Variants in TTLL1 observed in about 807,000 individuals in gnomAD.
TTLL1 encodes the protein polyglutamylase complex subunit TTLL1.
TTLL1 carries 33 observed loss-of-function variants against 47.8 expected under a neutral mutation model. The observed-to-expected ratio is 0.69, with a 90% CI of 0.52 to 0.92. The LOEUF (loss-of-function observed/expected upper bound fraction) is 0.92. Ranked by LOEUF, TTLL1 falls within the 40% of genes least tolerant of loss-of-function variation. The pLI, the probability that TTLL1 is intolerant of heterozygous loss-of-function variation, is 0.00. For missense variants in TTLL1, 488 were observed against 547.5 expected (o/e 0.89, Z 1.08); for synonymous variants, 225 against 214.1 (o/e 1.05, Z -0.45).
chr22:43,069,220 CAAA>C (rs66913313), intron 4 of TTLL1, among the ~76,000 whole-genome samples: 7,198 of 80,396 alleles, frequency 0.09, 353 homozygotes, highest in African/African-American at 0.18. Context: ...ACTAAAAATA[CAAA>C]AAAAAAAAAA....
In TTLL1 at chr22:43,046,589, C is replaced by CCCA; in HGVS notation, c.979-19_979-17dup. The CCCA allele has an allele frequency of 6.2e-7, 1 of 1,611,884 alleles. No individual in the cohort carries two copies. The highest frequency in any genetic ancestry group is 1.1e-5 in the South Asian group (1 of 91,034). ...ACGCATTCACCTGTGAGATGAAAGA[C>CCCA]CCATGTTCCTCACCTGTGTCTCTCG... is the stretch of plus-strand genomic sequence containing the variant. On this transcript the variant is annotated splice_polypyrimidine_tract_variant and intron_variant, in intron 9 of 10. Coordinates refer to ENST00000266254, the MANE Select transcript of TTLL1 (RefSeq NM_012263.5).
intron 1 of TTLL1, among the ~76,000 whole-genome samples, chr22:43,080,609 T>TGCAGCCTGTGTGCA (rs1427406539): frequency 6.6e-6 from 1 of 152,106 alleles, no homozygotes; most frequent in African/African-American, 2.4e-5. Context: ...TCCTCCCACC[T>TGCAGCCTGTGTGCA]GCAAGCCTGT....
At chr22:43,045,283 G>A (rs191196252) in intron 10 of TTLL1, among the ~76,000 whole-genome samples, 139 of 152,200 alleles carry the variant, frequency 9.1e-4, no homozygotes, top group African/African-American at 3.1e-3. Flanking sequence ...AGTATGCCAC[G>A]GAACCGCTCT....
chr22:43,058,418 C>A (rs2146970811), intron 8 of TTLL1, among the ~76,000 whole-genome samples: 1 of 152,314 alleles, frequency 6.6e-6, no homozygotes, highest in South Asian at 2.1e-4. Context: ...CCATTTCCAG[C>A]CCGAAATATC....
At chr22:43,078,939 C>T (rs35522224) in intron 2 of TTLL1, among the ~76,000 whole-genome samples, 2 of 118,978 alleles carry the variant, frequency 1.7e-5, no homozygotes, top group Non-Finnish European at 1.7e-5. Context: ...ACGGGGACCA[C>T]GGGAGCCGCA....
chr22:43,067,750 C>T (rs550604018), intron 5 of TTLL1, among the ~76,000 whole-genome samples: 86 of 151,714 alleles, frequency 5.7e-4, no homozygotes, highest in African/African-American at 1.7e-3. Context: ...GTGGGTGGAT[C>T]ACCCTGAGGT....
chr22:43,045,862 G>A (rs957639648), intron 10 of TTLL1, among the ~76,000 whole-genome samples: 1 of 152,074 alleles, frequency 6.6e-6, no homozygotes, highest in African/African-American at 2.4e-5. Context: ...GGCCTGGCAC[G>A]TGATCAGTGC....
chr22:43,063,710 C>T, intron 7 of TTLL1, 103 bp downstream of exon 7: 1 of 1,039,442 alleles, frequency 9.6e-7, no homozygotes, highest in Middle Eastern at 2.5e-4. Flanking sequence ...AGGTGATCCA[C>T]CCGCCTCAGC....
intron 8 of TTLL1, among the ~76,000 whole-genome samples, chr22:43,058,109 A>G (rs1364716489): frequency 6.6e-6 from 1 of 151,808 alleles, no homozygotes; most frequent in Non-Finnish European, 1.5e-5. Context: ...ACGCCCGGCA[A>G]ATTTTTTTGT....
intron 10 of TTLL1, 123 bp downstream of exon 10, chr22:43,046,287 T>C (rs2146959536): frequency 1.5e-5 from 15 of 1,023,626 alleles, no homozygotes; most frequent in Middle Eastern, 3.0e-4. Flanking sequence ...ATCATGTCAT[T>C]AGTAAATGAA....
At chr22:43,048,652 C>G (rs1569415030) in intron 9 of TTLL1, among the ~76,000 whole-genome samples, 1 of 148,664 alleles carries the variant, frequency 6.7e-6, no homozygotes, top group Admixed American at 6.7e-5. Context: ...AAAAAAAAAA[C>G]CCAGGCCAGA....
rs371911785 is a variant in TTLL1 at position 43,064,312 on chromosome 22, T to A, written c.516A>T (p.Gln172His). Residue 172 changes from glutamine (Q) to histidine (H), a missense_variant, in exon 6 of 11, where the codon CAA becomes CAT. Gln to His is a conservative substitution (Grantham distance 24). Transcript: ENST00000266254. ...AGATCACGTAGGCTTCCTTATTAGA[T>A]TGAGACACAAACCTAAACATGGCAG... ...RDSKTSSFVSQSNKEAYVISL... is the reference protein window; with the variant it reads ...RDSKTSSFVSHSNKEAYVISL... 15 of 1,611,902 alleles carry A rather than the reference T, an allele frequency of 9.3e-6. No homozygotes were observed.
At chr22:43,056,291 G>A (rs558369015) in intron 8 of TTLL1, among the ~76,000 whole-genome samples, 5 of 150,504 alleles carry the variant, frequency 3.3e-5, no homozygotes, top group African/African-American at 9.8e-5. Flanking sequence ...CCTGGGAGGC[G>A]GAGGTTGCAG....
chr22:43,045,470 A>ATTTTTTTTTTT (rs57003421), intron 10 of TTLL1, among the ~76,000 whole-genome samples: 8 of 107,978 alleles, frequency 7.4e-5, no homozygotes, highest in African/African-American at 1.1e-4. Flanking sequence ...TATTATACCC[A>ATTTTTTTTTTT]TTTTTTTTTT....
chr22:43,073,344 TTTA>T (rs1928256305), intron 3 of TTLL1, among the ~76,000 whole-genome samples: 1 of 146,528 alleles, frequency 6.8e-6, no homozygotes, highest in African/African-American at 2.6e-5. Context: ...TATTTATTTA[TTTA>T]TTTATTTATT....
rs1288829696 is a variant in TTLL1, at chr22:43,065,585, G to A, written c.504-1261C>T. Among the ~76,000 whole-genome samples, 5 of 151,284 alleles carry A rather than the reference G, an allele frequency of 3.3e-5. No individual in the cohort carries two copies. In the South Asian group the frequency reaches 6.3e-4, roughly 19 times the overall value. ...GATTACAGGCTTGTGCCACACACATGGCCAAATTTTTTTTTTTGAGATGGT... is the reference window on the plus strand; with the variant it reads ...GATTACAGGCTTGTGCCACACACATAGCCAAATTTTTTTTTTTGAGATGGT... On this transcript the variant is annotated intron_variant, in intron 5 of 10. Coordinates refer to ENST00000266254, the MANE Select transcript of TTLL1 (RefSeq NM_012263.5).
chr22:43,068,015 C>T (rs1445311610), intron 5 of TTLL1, among the ~76,000 whole-genome samples: 1 of 146,646 alleles, frequency 6.8e-6, no homozygotes, highest in African/African-American at 2.5e-5. Context: ...GGAGTTTCGC[C>T]ATCTTGGCCA....
chr22:43,080,948 G>C (rs1313936939), intron 1 of TTLL1, among the ~76,000 whole-genome samples: 7 of 101,744 alleles, frequency 6.9e-5, no homozygotes, highest in Non-Finnish European at 9.3e-5. Context: ...ACAAAGTCTC[G>C]CTCTGTCACC....
At chr22:43,055,057 T>A (rs1422250713) in intron 8 of TTLL1, among the ~76,000 whole-genome samples, 1 of 151,052 alleles carries the variant, frequency 6.6e-6, no homozygotes, top group African/African-American at 2.4e-5. Context: ...GAATCTTAAC[T>A]CTGTCACCCA....
Sources: gnomAD v4.1 joint callset for allele counts (sites outside exome capture counted in the v4.1 genomes callset) on GRCh38, gnomAD v4.1.1 for gene constraint, MANE v1.5 for transcripts, NCBI Gene and HGNC (gene_info 2026-07-23, HGNC 2026-07-21) for gene names.